The following SAXO2 variants were observed in gnomAD, a reference collection of about 807,000 sequenced individuals.
SAXO2 encodes stabilizer of axonemal microtubules 2.
SAXO2 carries 17 observed loss-of-function variants against 18.7 expected under a neutral mutation model. The ratio of observed to expected loss-of-function variants is 0.91; its 90% CI spans 0.62 to 1.36. The LOEUF is 1.36. Among genes scored for constraint, SAXO2 ranks in the 40% most tolerant of loss-of-function variants. SAXO2 has a pLI of 0.00. For missense variants in SAXO2, 486 were observed against 562.6 expected, an observed-to-expected ratio of 0.86 and a Z score of 1.38; for synonymous variants, 163 against 181.2, an observed-to-expected ratio of 0.90 and a Z score of 0.81.
At chr15:82,263,958 A>C (rs2075173599) in intron 1 of SAXO2, among the ~76,000 whole-genome samples, 1 of 152,182 alleles carries the variant, frequency 6.6e-6, no homozygotes, top group African/African-American at 2.4e-5. Context: ...ATACACAAGA[A>C]GTATCATAAA....
rs2075397449 is a variant in SAXO2 at position 82,284,885 on chromosome 15, T to C, written c.*1823T>C. On this transcript the variant is annotated 3_prime_UTR_variant, in exon 4 of 4. Transcript: ENST00000682753. ...TATGGTGTGTGAAACTATATTTCCA[T>C]GCAACATAATAAAATCAATAAAAGG... 6.6e-6 allele frequency: 1 copy of C among 152,228 alleles called. No individual in the cohort carries two copies. The highest frequency in any genetic ancestry group is 2.4e-5 in the African/African-American group (1 of 41,456). 9.4% of individuals were successfully genotyped at this position (152,228 alleles called of 1,614,324 possible). A position where few individuals can be genotyped will look rare whatever the true frequency, so the allele number is the denominator to read the frequency against.
intron 2 of SAXO2, among the ~76,000 whole-genome samples, chr15:82,271,256 A>G (rs989737478): frequency 6.6e-6 from 1 of 152,214 alleles, no homozygotes; most frequent in Admixed American, 6.5e-5. Flanking sequence ...TAAACTTTTC[A>G]GGTTTAGTAA....
chr15:82,283,048 G>A lies in SAXO2; in HGVS notation c.1363G>A (p.Val455Met), dbSNP rs773882182. The change falls in exon 4 of 4, where the codon GTG becomes ATG. Residue 455 changes from valine to methionine, a missense_variant. Val to Met is a conservative substitution (Grantham distance 21). Transcript: ENST00000682753. ...HKFFRKIIPA[V>M]KAF is the part of the protein sequence containing the mutation. ...ATTCTTCCGCAAGATTATTCCTGCA[G>A]TGAAGGCCTTCTAATAACCAAAATG... The A allele has an allele frequency of 6.2e-7, 1 of 1,608,708 alleles. No homozygotes were observed. Among genetic ancestry groups the A allele is most frequent in the South Asian group, 1.1e-5 (1 of 89,782 alleles).
At chr15:82,272,559 T>G (rs911059550) in intron 3 of SAXO2, among the ~76,000 whole-genome samples, 1 of 152,208 alleles carries the variant, frequency 6.6e-6, no homozygotes, top group African/African-American at 2.4e-5. Context: ...GGGTTTTTTT[T>G]GTGACAGAGT....
intron 1 of SAXO2, among the ~76,000 whole-genome samples, chr15:82,264,068 ATTTTTT>A (rs397853729): frequency 1.2e-5 from 1 of 86,910 alleles, no homozygotes. Context: ...ATATGCATTG[ATTTTTT>A]TTTTTTTTTT....
At chr15:82,280,708 G>C (rs1400742646) in intron 3 of SAXO2, among the ~76,000 whole-genome samples, 2 of 152,108 alleles carry the variant, frequency 1.3e-5, no homozygotes, top group Admixed American at 1.3e-4. Flanking sequence ...TTTCTTTACA[G>C]GTCTATTTTG....
intron 1 of SAXO2, 86 bp from the exon 2 acceptor site, chr15:82,265,483 G>A: frequency 2.0e-6 from 2 of 1,022,654 alleles, no homozygotes; most frequent in Middle Eastern, 3.5e-4. Context: ...TTTAGAAATT[G>A]TGAGTTTATT....
rs1253404042 is a variant in SAXO2 at position 82,263,434 on chromosome 15, A to G, written c.53+502A>G. The G allele has an allele frequency of 5.7e-6, 4 of 704,288 alleles. No homozygotes were observed. In the African/African-American group the frequency reaches 7.0e-5, roughly 12 times the overall value. The allele number at this position is 704,288 out of a possible 1,614,324, so 43.6% of individuals were successfully genotyped here. ...TTCTTTGGGATCCGCCTGACTGAAA[A>G]GTCAGTAAGTAGTCCCTACCCTGAA... On this transcript the variant is annotated intron_variant, in intron 1 of 3. Transcript: ENST00000682753.
At chr15:82,276,495 G>A (rs1181278746) in intron 3 of SAXO2, among the ~76,000 whole-genome samples, 2 of 152,092 alleles carry the variant, frequency 1.3e-5, no homozygotes, top group Non-Finnish European at 2.9e-5. Flanking sequence ...CATGGTACTG[G>A]TACAAAAATA....
rs747376901 is a variant in SAXO2 at position 82,282,772 on chromosome 15, C to A, written c.1087C>A (p.Gln363Lys). 1 of 1,614,152 alleles carries A rather than the reference C, an allele frequency of 6.2e-7. No individual in the cohort carries two copies. Among genetic ancestry groups the A allele is most frequent in the Non-Finnish European group, 8.5e-7 (1 of 1,180,010 alleles). Residue 363 changes from glutamine (Q) to lysine (K), a missense_variant, in exon 4 of 4, where the codon CAG becomes AAG. Gln to Lys is a moderately conservative substitution (Grantham distance 53, BLOSUM62 1). Coordinates refer to ENST00000682753, the MANE Select transcript of SAXO2 (RefSeq NM_001348699.2). The part of the protein sequence containing the change: ...ESCRQGLIKK[Q>K]QQIPNPSGKF... ...TTGTCGTCAAGGACTTATTAAGAAG[C>A]AGCAGCAGATTCCCAACCCATCTGG... is the stretch of plus-strand genomic sequence containing the variant.
intron 3 of SAXO2, among the ~76,000 whole-genome samples, chr15:82,274,497 T>C (rs2075298024): frequency 6.6e-6 from 1 of 150,698 alleles, no homozygotes; most frequent in Non-Finnish European, 1.5e-5. Flanking sequence ...AGGTCAGGAG[T>C]TTGAGACCAG....
At chr15:82,276,058 A>G (rs149688306) in intron 3 of SAXO2, among the ~76,000 whole-genome samples, 33 of 152,362 alleles carry the variant, frequency 2.2e-4, no homozygotes, top group African/African-American at 7.5e-4. Context: ...AAGTCTCAGC[A>G]TACAAAATCA....
intron 3 of SAXO2, 129 bp downstream of exon 3, chr15:82,271,931 C>A: frequency 1.3e-6 from 1 of 746,614 alleles, no homozygotes. Flanking sequence ...AAGAACATTT[C>A]TCTCTTTGGC....
rs766355076 is a variant in SAXO2 at position 82,282,727 on chromosome 15, G to T, written c.1042G>T (p.Asp348Tyr). ...CCAAGGAAAAAGCATCATGAAAGAA[G>T]ATTTTCCAGCATGGGAAAGTTGTCG... ...PFQGKSIMKE[D>Y]FPAWESCRQG... The change falls in exon 4 of 4, where the codon GAT becomes TAT. Residue 348 changes from aspartate (D) to tyrosine (Y), a missense_variant. Physicochemically the swap from Asp to Tyr is radical, Grantham distance 160 (BLOSUM62 -3). Coordinates refer to ENST00000682753, the MANE Select transcript of SAXO2 (RefSeq NM_001348699.2). The T allele has an allele frequency of 6.2e-7, 1 of 1,614,156 alleles. No individual in the cohort carries two copies.
intron 3 of SAXO2, among the ~76,000 whole-genome samples, chr15:82,274,433 A>G (rs747012133): frequency 6.6e-6 from 1 of 152,012 alleles, no homozygotes; most frequent in African/African-American, 2.4e-5. Context: ...AGAAGCCACA[A>G]TGGGAAGATA....
In SAXO2 at chr15:82,282,104, G is replaced by T. The variant is rs1392007451; in HGVS notation, c.434-15G>T. Reference sequence around the variant, plus strand: ...CAGCATTTAAAAATGTTTTTGCTTTGTTTTAATTTTCAAGACGATTATAGA... The same window carrying T: ...CAGCATTTAAAAATGTTTTTGCTTTTTTTTAATTTTCAAGACGATTATAGA... On this transcript the variant is annotated splice_polypyrimidine_tract_variant and intron_variant, in intron 3 of 3. Coordinates refer to ENST00000682753, the MANE Select transcript of SAXO2 (RefSeq NM_001348699.2). 3.2e-6 allele frequency: 5 copies of T among 1,558,564 alleles called. No homozygotes were observed. Among genetic ancestry groups the T allele is most frequent in the Middle Eastern group, 1.7e-4 (1 of 5,782 alleles).
Position 82,282,897 on chromosome 15 carries a change from T to A in SAXO2, c.1212T>A (p.Ser404=), listed in dbSNP as rs376108605. The A allele has an allele frequency of 1.9e-6, 3 of 1,614,136 alleles. No individual in the cohort carries two copies. The highest frequency in any genetic ancestry group is 4.5e-5 in the East Asian group (2 of 44,886). The change falls in exon 4 of 4, where the codon TCT becomes TCA. Residue 404 remains serine (S), a synonymous_variant. Transcript: ENST00000682753. ...CTTTAAATATTGCTTTTAAGAGTTC[T>A]GTTCCATTTGATGATGTAACCATGT... ...CKPLNIAFKS[S]VPFDDVTMYS... is the part of the protein sequence containing the mutation.
At chr15:82,281,443 G>T (rs1332547519) in intron 3 of SAXO2, among the ~76,000 whole-genome samples, 1 of 151,856 alleles carries the variant, frequency 6.6e-6, no homozygotes, top group Non-Finnish European at 1.5e-5. Context: ...AAGACATTCA[G>T]TTAAGGCCTC....
intron 1 of SAXO2, 139 bp downstream of exon 1, chr15:82,263,071 C>T (rs2075152807): frequency 2.0e-6 from 3 of 1,514,170 alleles, no homozygotes; most frequent in African/African-American, 2.8e-5. Context: ...GACATCCCCA[C>T]TTATCCCGCT....
Sources: allele counts gnomAD v4.1 joint callset (sites outside exome capture counted in the v4.1 genomes callset), GRCh38; gene constraint gnomAD v4.1.1; transcripts MANE v1.5; gene names NCBI Gene and HGNC (gene_info 2026-07-23, HGNC 2026-07-21).